The following COL24A1 variants were observed in gnomAD, a reference collection of about 807,000 sequenced individuals.
The protein encoded by COL24A1 is collagen type XXIV alpha 1 chain.
COL24A1 carries 224 observed loss-of-function variants against 253.9 expected under a neutral mutation model. That is an observed-to-expected ratio of 0.88 (90% CI 0.79 to 0.99). COL24A1 has a LOEUF of 0.99. Among genes scored for constraint, COL24A1 ranks in the 50% least tolerant of loss-of-function variants. The pLI is 0.00. For missense variants in COL24A1, 2,131 were observed against 2,068.5 expected, an observed-to-expected ratio of 1.03 and a Z score of -0.59; for synonymous variants, 685 against 673.7, an observed-to-expected ratio of 1.02 and a Z score of -0.26.
At chr1:85,919,373 G>C (rs757887655) in intron 24 of COL24A1, among the ~76,000 whole-genome samples, 1 of 152,144 alleles carries the variant, frequency 6.6e-6, no homozygotes, top group Non-Finnish European at 1.5e-5. Flanking sequence ...GAGATAGATG[G>C]AGCCACAAGA....
intron 12 of COL24A1, among the ~76,000 whole-genome samples, chr1:86,043,033 T>C (rs1699623911): frequency 6.6e-6 from 1 of 152,182 alleles, no homozygotes; most frequent in African/African-American, 2.4e-5. Flanking sequence ...TTGCTTTCAC[T>C]GTATTGACTG....
chr1:85,835,978 C>T (rs1675957681), intron 43 of COL24A1, among the ~76,000 whole-genome samples: 1 of 152,166 alleles, frequency 6.6e-6, no homozygotes, highest in Admixed American at 6.5e-5. Context: ...TGAGAGGTGT[C>T]TCCCTATACC....
chr1:86,094,075 G>C (rs984212401), intron 5 of COL24A1, among the ~76,000 whole-genome samples: 6 of 152,156 alleles, frequency 3.9e-5, no homozygotes, highest in African/African-American at 1.4e-4. Context: ...GCGGAAGACA[G>C]TGTGGCAATT....
chr1:85,887,166 A>G (rs2102716153), intron 32 of COL24A1, among the ~76,000 whole-genome samples: 1 of 152,364 alleles, frequency 6.6e-6, no homozygotes, highest in Non-Finnish European at 1.5e-5. Context: ...AGTTAATTTT[A>G]GAGTACAGCA....
At chr1:86,011,775 G>C (rs1330921661) in intron 19 of COL24A1, among the ~76,000 whole-genome samples, 3 of 152,164 alleles carry the variant, frequency 2.0e-5, no homozygotes, top group Non-Finnish European at 4.4e-5. Context: ...TAATTTCCAT[G>C]CAGAGAACAA....
intron 19 of COL24A1, among the ~76,000 whole-genome samples, chr1:86,010,833 G>C (rs985765496): frequency 1.3e-5 from 2 of 152,114 alleles, no homozygotes; most frequent in Non-Finnish European, 2.9e-5. Flanking sequence ...AAAGCAGAGT[G>C]TCAAAAAGTA....
intron 24 of COL24A1, among the ~76,000 whole-genome samples, chr1:85,948,446 C>T (rs1210961901): frequency 4.8e-5 from 7 of 146,092 alleles, no homozygotes; most frequent in African/African-American, 1.5e-4. Flanking sequence ...ATGGCGTGAA[C>T]CCGGGAGGCG....
chr1:85,943,856 C>T (rs1467512732), intron 24 of COL24A1, among the ~76,000 whole-genome samples: 1 of 152,230 alleles, frequency 6.6e-6, no homozygotes, highest in Non-Finnish European at 1.5e-5. Flanking sequence ...TGTATTTCAG[C>T]TTCATATCAT....
At chr1:86,076,421 C>T (rs1460424110) in intron 7 of COL24A1, among the ~76,000 whole-genome samples, 3 of 152,198 alleles carry the variant, frequency 2.0e-5, no homozygotes, top group Non-Finnish European at 4.4e-5. Flanking sequence ...ACATTCCATG[C>T]TCATGGATTG....
chr1:86,123,255 A>T (rs1647665817), intron 3 of COL24A1, among the ~76,000 whole-genome samples: 1 of 151,952 alleles, frequency 6.6e-6, no homozygotes, highest in African/African-American at 2.4e-5. Context: ...CTTAGAGCCT[A>T]GGTCATAACT....
intron 13 of COL24A1, among the ~76,000 whole-genome samples, chr1:86,032,579 AAGAT>A (rs1698667716): frequency 6.6e-6 from 1 of 152,152 alleles, no homozygotes; most frequent in Non-Finnish European, 1.5e-5. Flanking sequence ...TATAGTCTTT[AAGAT>A]AATTCCTAAT....
chr1:86,124,187 A>G (rs1647856271), intron 3 of COL24A1, among the ~76,000 whole-genome samples: 2 of 149,462 alleles, frequency 1.3e-5, no homozygotes, highest in Admixed American at 1.4e-4. Flanking sequence ...ATTATCTCAC[A>G]GTTTTGTTTA....
intron 43 of COL24A1, among the ~76,000 whole-genome samples, chr1:85,838,343 C>CA (rs1676240030): frequency 6.6e-6 from 1 of 151,940 alleles, no homozygotes; most frequent in Non-Finnish European, 1.5e-5. Context: ...TTAGATAGGG[C>CA]AGTTAGAGAA....
At chr1:86,103,447 T>C (rs1170684772) in intron 5 of COL24A1, among the ~76,000 whole-genome samples, 2 of 152,148 alleles carry the variant, frequency 1.3e-5, no homozygotes, top group African/African-American at 4.8e-5. Flanking sequence ...TATGCAGACT[T>C]GTTTGTGTGG....
chr1:85,974,090 GA>G (rs1191622446), intron 20 of COL24A1, among the ~76,000 whole-genome samples: 37 of 152,102 alleles, frequency 2.4e-4, no homozygotes, highest in Non-Finnish European at 4.6e-4. Context: ...TATAAAAAGT[GA>G]AAATTGATGA....
At chr1:85,889,142 G>C (rs1236824288) in intron 32 of COL24A1, among the ~76,000 whole-genome samples, 1 of 151,984 alleles carries the variant, frequency 6.6e-6, no homozygotes, top group East Asian at 1.9e-4. Flanking sequence ...CTGCATTTCT[G>C]TCATGTTTGC....
chr1:86,088,951 C>T (rs962582491), intron 7 of COL24A1, among the ~76,000 whole-genome samples: 1 of 151,922 alleles, frequency 6.6e-6, no homozygotes, highest in Non-Finnish European at 1.5e-5. Context: ...CTTTTGTGGG[C>T]ACCAGTTTCC....
At chr1:85,955,186 T>C (rs1009271116) in intron 24 of COL24A1, among the ~76,000 whole-genome samples, 3 of 152,148 alleles carry the variant, frequency 2.0e-5, no homozygotes, top group Non-Finnish European at 4.4e-5. Context: ...GGAGACCACA[T>C]GGAATTCAGT....
rs893231052 is a variant in COL24A1, at chr1:85,778,400, A to G, written c.4339-2691T>C. 2.0e-5 allele frequency among the ~76,000 whole-genome samples: 3 copies of G among 151,942 alleles called. No individual in the cohort carries two copies. In the East Asian group the frequency reaches 5.9e-4, roughly 30 times the overall value. On this transcript the variant is annotated intron_variant, in intron 52 of 59. Transcript: ENST00000370571. The stretch of plus-strand genomic sequence containing the variant: ...ATACAGCCGTGAACTACTGTTCCCA[A>G]CTGAGCTCTTTGTATATTAACCTGT...
Sources: gnomAD v4.1 joint callset for allele counts (sites outside exome capture counted in the v4.1 genomes callset) on GRCh38, gnomAD v4.1.1 for gene constraint, MANE v1.5 for transcripts, NCBI Gene and HGNC (gene_info 2026-07-23, HGNC 2026-07-21) for gene names.